The following SLC46A1 variants were observed in gnomAD, a reference collection of about 807,000 sequenced individuals.
The protein encoded by SLC46A1 is solute carrier family 46 member 1, also known as proton-coupled folate transporter.
A neutral mutation model predicts 32.1 loss-of-function variants in SLC46A1; 17 were observed. That is an observed-to-expected ratio of 0.53 (90% CI 0.36 to 0.79). The LOEUF is 0.79. Ranked by LOEUF, SLC46A1 falls within the 30% of genes least tolerant of loss-of-function variation. The pLI, the probability that SLC46A1 is intolerant of heterozygous loss-of-function variation, is 0.00. For synonymous variants in SLC46A1, 240 were observed against 262.7 expected, an observed-to-expected ratio of 0.91 and a Z score of 0.84; for missense variants, 517 against 588.2, an observed-to-expected ratio of 0.88 and a Z score of 1.25.
rs1555591070 is a variant in SLC46A1 at position 28,405,441 on chromosome 17, T to C, written c.256A>G (p.Thr86Ala). ...AAGCCGCCCACGTTCATGTAGAGGG[T>C]CCAGTGGGAGGTAAGGGTCTCCACT... ...QEVETLTSHW[T>A]LYMNVGGFLV... The change falls in exon 2 of 5, where the codon ACC becomes GCC. Residue 86 changes from threonine to alanine, a missense_variant. Coordinates refer to ENST00000612814, the MANE Select transcript of SLC46A1 (RefSeq NM_080669.6). The C allele has an allele frequency of 3.1e-6, 5 of 1,595,834 alleles. No individual in the cohort carries two copies. In the South Asian group the frequency reaches 5.7e-5, roughly 18 times the overall value.
chr17:28,404,902 T>C lies in SLC46A1; in HGVS notation c.795A>G (p.Lys265=). 6.2e-7 allele frequency: 1 copy of C among 1,614,038 alleles called. No homozygotes were observed. The highest frequency in any genetic ancestry group is 8.5e-7 in the Non-Finnish European group (1 of 1,179,900). ...TGGCCAGTGAGTAGAGGGCTAAATG[T>C]TTCCTGGACTTCTCTGGGGCGGGAG... The part of the protein sequence containing the change: ...YVAPAPEKSR[K]HLALYSLAIF... The change falls in exon 2 of 5, where the codon AAA becomes AAG. Residue 265 remains lysine (K), a synonymous_variant. Coordinates refer to ENST00000612814, the MANE Select transcript of SLC46A1 (RefSeq NM_080669.6).
At position 28,400,597 on chromosome 17, in the gene SLC46A1, G is replaced by A; in HGVS notation, c.1322+13C>T. On this transcript the variant is annotated intron_variant, in intron 4 of 4. Coordinates refer to ENST00000612814, the MANE Select transcript of SLC46A1 (RefSeq NM_080669.6). The stretch of plus-strand genomic sequence containing the variant: ...GGCTCCATTATGAGCATGGGTTCAG[G>A]GCCCTGCATTACCCAATCAGAACAG... 1.2e-6 allele frequency: 2 copies of A among 1,613,544 alleles called. No individual in the cohort carries two copies. Among genetic ancestry groups the A allele is most frequent in the Non-Finnish European group, 1.7e-6 (2 of 1,179,740 alleles).
rs375678730 is a variant in SLC46A1 at position 28,405,319 on chromosome 17, G to A, written c.378C>T (p.Leu126=). ...CCACAAAAACGGACACTAGGGCCTGGAGCAGCAGGCCCAGCGAGGCCAGCA... is the reference window on the plus strand; with the variant it reads ...CCACAAAAACGGACACTAGGGCCTGAAGCAGCAGGCCCAGCGAGGCCAGCA... ...LLVLASLGLL[L]QALVSVFVVQ... is the part of the protein sequence containing the mutation. Residue 126 remains leucine, a synonymous_variant, in exon 2 of 5, where the codon CTC becomes CTT. Coordinates refer to ENST00000612814, the MANE Select transcript of SLC46A1 (RefSeq NM_080669.6). 2.5e-6 allele frequency: 4 copies of A among 1,590,068 alleles called. No individual in the cohort carries two copies. Among genetic ancestry groups the A allele is most frequent in the African/African-American group, 1.3e-5 (1 of 74,492 alleles).
Sources: gnomAD v4.1 joint callset for allele counts on GRCh38, gnomAD v4.1.1 for gene constraint, MANE v1.5 for transcripts, NCBI Gene and HGNC (gene_info 2026-07-23, HGNC 2026-07-21) for gene names.